Variants in MAP3K13 observed in about 807,000 individuals in gnomAD.
The protein encoded by MAP3K13 is leucine zipper-bearing kinase.
A neutral mutation model predicts 104.0 loss-of-function variants in MAP3K13; 52 were observed. That is an observed-to-expected ratio of 0.50 (90% CI 0.40 to 0.63). The LOEUF (loss-of-function observed/expected upper bound fraction) is 0.63, where lower values mean the gene tolerates loss of function less well. Ranked by LOEUF, MAP3K13 falls within the 20% of genes least tolerant of loss-of-function variation. The probability of loss-of-function intolerance (pLI) is 0.00; values close to 1 mark genes in which losing one functional copy is unlikely to be tolerated. For synonymous variants in MAP3K13, 394 were observed against 442.2 expected (o/e 0.89, Z 1.37); for missense variants, 914 against 1,218.5 (o/e 0.75, Z 3.72).
chr3:185,459,485 T>C (rs1716968171), intron 7 of MAP3K13, among the ~76,000 whole-genome samples: 1 of 152,178 alleles, frequency 6.6e-6, no homozygotes, highest in Non-Finnish European at 1.5e-5. Flanking sequence ...TTCGCTCTTG[T>C]CACCCCGGCT....
chr3:185,437,392 G>C (rs907944521), intron 2 of MAP3K13, 55 bp from the exon 3 acceptor site: 188 of 1,518,174 alleles, frequency 1.2e-4, no homozygotes, highest in Middle Eastern at 1.2e-3. Flanking sequence ...GAATGGCCTT[G>C]TAGAGTGGTC....
intron 1 of MAP3K13, among the ~76,000 whole-genome samples, chr3:185,370,684 C>A (rs949884685): frequency 1.4e-5 from 2 of 147,090 alleles, no homozygotes; most frequent in Non-Finnish European, 3.0e-5. Flanking sequence ...ATGACTTCAA[C>A]ACCTTTAGGC....
At chr3:185,331,746 C>T (rs1302010902) in intron 2 of MAP3K13, among the ~76,000 whole-genome samples, 1 of 152,180 alleles carries the variant, frequency 6.6e-6, no homozygotes, top group Non-Finnish European at 1.5e-5. Flanking sequence ...GCCAGTTCTC[C>T]ATCCATTCAG....
chr3:185,395,357 C>CTTTCTTTTTTTTTT (rs1553798321), intron 1 of MAP3K13, among the ~76,000 whole-genome samples: 1,852 of 69,938 alleles, frequency 0.026, 66 homozygotes, highest in Non-Finnish European at 0.028. Flanking sequence ...AATATTATTT[C>CTTTCTTTTTTTTTT]TTTTTTTTTT....
At chr3:185,310,174 G>T (rs1721446639) in intron 2 of MAP3K13, among the ~76,000 whole-genome samples, 1 of 152,184 alleles carries the variant, frequency 6.6e-6, no homozygotes, top group African/African-American at 2.4e-5. Context: ...CTAGAGGAAG[G>T]TGCACAGAAG....
rs142164404 is a variant in MAP3K13 at position 185,297,526 on chromosome 3, G to A, written c.-86+11883G>A. On this transcript the variant is annotated intron_variant, in intron 2 of 14. Coordinates refer to the MAP3K13 transcript ENST00000424227. ...AAGGCAGGCAGATCACCTGAGGTCA[G>A]GAGTTCGAGACCAGCCTGGCCAACA... is the stretch of plus-strand genomic sequence containing the variant. Among the ~76,000 whole-genome samples, 974 of 152,254 alleles carry A rather than the reference G, an allele frequency of 6.4e-3. 10 individuals carry two copies. The highest frequency in any genetic ancestry group is 0.021 in the African/African-American group (882 of 41,546).
At chr3:185,454,638 A>AGATATATATAT (rs1339890026) in intron 7 of MAP3K13, among the ~76,000 whole-genome samples, 1 of 49,856 alleles carries the variant, frequency 2.0e-5, no homozygotes, top group Non-Finnish European at 3.9e-5. Context: ...TATATATATG[A>AGATATATATAT]GATATATATA....
In MAP3K13 at chr3:185,483,421, G is replaced by A; in HGVS notation, c.*965G>A. 1 of 231,334 alleles carries A rather than the reference G, an allele frequency of 4.3e-6. No homozygotes were observed. The highest frequency in any genetic ancestry group is 1.8e-4 in the South Asian group (1 of 5,508). The allele number at this position is 231,334 out of a possible 1,614,324, so 14.3% of individuals were successfully genotyped here. On this transcript the variant is annotated 3_prime_UTR_variant, in exon 14 of 14. Coordinates refer to ENST00000265026, the MANE Select transcript of MAP3K13 (RefSeq NM_004721.5). ...ACTTCCTGTAGGAACAAAGGTTGGG[G>A]GGCAGTACTGAGGAGGAGAAAAGGG...
In MAP3K13 at chr3:185,485,351, C is replaced by T. The variant is rs1489626863; in HGVS notation, c.*2895C>T. On this transcript the variant is annotated 3_prime_UTR_variant, in exon 14 of 14. Transcript: ENST00000265026. The stretch of plus-strand genomic sequence containing the variant: ...GGAGACTAAAAAAAGAAATGGTATA[C>T]AGTAGTCCCCTCTTACCCATGGCTT... 1 of 152,196 alleles carries T rather than the reference C, an allele frequency of 6.6e-6. No homozygotes were observed. The highest frequency in any genetic ancestry group is 1.5e-5 in the Non-Finnish European group (1 of 68,026). 9.4% of individuals were successfully genotyped at this position (152,196 alleles called of 1,614,324 possible).
In MAP3K13 at chr3:185,428,890, C is replaced by T. The variant is rs2108802360; in HGVS notation, c.309C>T (p.Asn103=). The T allele has an allele frequency of 6.2e-7, 1 of 1,614,146 alleles. No homozygotes were observed. Among genetic ancestry groups the T allele is most frequent in the Non-Finnish European group, 8.5e-7 (1 of 1,180,032 alleles). Residue 103 remains asparagine, a synonymous_variant, in exon 2 of 14, where the codon AAC becomes AAT. Coordinates refer to ENST00000265026, the MANE Select transcript of MAP3K13 (RefSeq NM_004721.5). ...CGGCGGTGTCTCAGGGGAACAGCAA[C>T]ACGGTGGACGGAGAGAGCACAAGCG... ...SETAVSQGNS[N]TVDGESTSGT...
At chr3:185,410,028 C>T (rs1040913952) in intron 1 of MAP3K13, among the ~76,000 whole-genome samples, 7 of 152,128 alleles carry the variant, frequency 4.6e-5, no homozygotes, top group Non-Finnish European at 1.5e-5. Flanking sequence ...TGAGATCCCT[C>T]GAATGTGCAG....
intron 5 of MAP3K13, among the ~76,000 whole-genome samples, chr3:185,449,233 C>T (rs1401075366): frequency 6.6e-6 from 1 of 151,934 alleles, no homozygotes. Context: ...ATTAGCCAGG[C>T]GTGGTGGCAC....
intron 1 of MAP3K13, among the ~76,000 whole-genome samples, chr3:185,369,036 A>G (rs1438610014): frequency 6.6e-6 from 1 of 152,146 alleles, no homozygotes; most frequent in Non-Finnish European, 1.5e-5. Flanking sequence ...AATCAACAAT[A>G]TTGATTGAGC....
At chr3:185,406,214 C>G (rs1577517807) in intron 1 of MAP3K13, among the ~76,000 whole-genome samples, 1 of 152,202 alleles carries the variant, frequency 6.6e-6, no homozygotes, top group African/African-American at 2.4e-5. Flanking sequence ...CAGGGTGCCA[C>G]TTGACTCTTA....
At chr3:185,283,474 GGAATGAATGAAT>G (rs374615945) in intron 1 of MAP3K13, among the ~76,000 whole-genome samples, 1 of 151,996 alleles carries the variant, frequency 6.6e-6, no homozygotes, top group Non-Finnish European at 1.5e-5. Context: ...TGTTGTCGAA[GGAATGAATGAAT>G]GAATGAATGA....
intron 2 of MAP3K13, among the ~76,000 whole-genome samples, chr3:185,348,440 C>T (rs908309255): frequency 4.6e-5 from 7 of 152,268 alleles, no homozygotes; most frequent in South Asian, 2.1e-4. Context: ...ATACATCTCT[C>T]GAGTATTTAT....
Position 185,323,459 on chromosome 3 carries a change from G to A in MAP3K13, c.-86+37816G>A, listed in dbSNP as rs548722107. On this transcript the variant is annotated intron_variant, in intron 2 of 14. Transcript: ENST00000424227. ...TCAAGCAATTCTGCCTCTGCCTCCCGAGTAGCTGGGATTACAGGCATGCAC... is the reference window on the plus strand; with the variant it reads ...TCAAGCAATTCTGCCTCTGCCTCCCAAGTAGCTGGGATTACAGGCATGCAC... Among the ~76,000 whole-genome samples, 8 of 150,290 alleles carry A rather than the reference G, an allele frequency of 5.3e-5. No individual in the cohort carries two copies. The East Asian group carries it at 7.9e-4, about 15-fold the overall frequency.
At chr3:185,320,616 A>G (rs963277324) in intron 2 of MAP3K13, among the ~76,000 whole-genome samples, 2 of 152,174 alleles carry the variant, frequency 1.3e-5, no homozygotes, top group Non-Finnish European at 2.9e-5. Context: ...TCTGGACATT[A>G]CCTCCACGGT....
At chr3:185,296,953 T>G (rs564943137) in intron 2 of MAP3K13, among the ~76,000 whole-genome samples, 1 of 152,218 alleles carries the variant, frequency 6.6e-6, no homozygotes, top group Non-Finnish European at 1.5e-5. Flanking sequence ...AAAGTTAATG[T>G]ACAGAAGGTC....
Sources: allele counts gnomAD v4.1 joint callset (sites outside exome capture counted in the v4.1 genomes callset), GRCh38; gene constraint gnomAD v4.1.1; transcripts MANE v1.5; gene names NCBI Gene and HGNC (gene_info 2026-07-23, HGNC 2026-07-21).